Variants in MALRD1 observed in about 807,000 individuals in gnomAD.
MALRD1 encodes MAM and LDL-receptor class A domain-containing protein 1.
In MALRD1, 247 loss-of-function variants were observed where a neutral mutation model predicts 242.1. The ratio of observed to expected loss-of-function variants is 1.02; its 90% CI spans 0.92 to 1.13. MALRD1 has a LOEUF of 1.13. Ranked by LOEUF, MALRD1 falls within the 50% of genes most tolerant of loss-of-function variation. The probability of loss-of-function intolerance (pLI) is 0.00; values close to 1 mark genes in which losing one functional copy is unlikely to be tolerated. For missense variants in MALRD1, 2,989 were observed against 2,533.1 expected (o/e 1.18, Z -3.86); for synonymous variants, 995 against 866.6 (o/e 1.15, Z -2.60).
chr10:19,471,903 A>G (rs958826671), intron 29 of MALRD1, among the ~76,000 whole-genome samples: 2 of 151,834 alleles, frequency 1.3e-5, no homozygotes, highest in African/African-American at 4.8e-5. Flanking sequence ...TCAAATTTGG[A>G]TGACTTTTAT....
chr10:19,396,748 T>C lies in MALRD1; in HGVS notation c.4845+7139T>C, dbSNP rs150278530. On this transcript the variant is annotated intron_variant, in intron 28 of 39. Coordinates refer to ENST00000454679, the MANE Select transcript of MALRD1 (RefSeq NM_001142308.3). ...CATAAAAATCAGAAATTTCCATCTCTACATATTAATAAATCTATAGATGTA... is the reference window on the plus strand; with the variant it reads ...CATAAAAATCAGAAATTTCCATCTCCACATATTAATAAATCTATAGATGTA... 1.2e-4 allele frequency among the ~76,000 whole-genome samples: 18 copies of C among 152,260 alleles called. No individual in the cohort carries two copies. In the East Asian group the frequency reaches 3.5e-3, roughly 29 times the overall value.
intron 21 of MALRD1, among the ~76,000 whole-genome samples, chr10:19,283,941 G>A (rs982078655): frequency 6.6e-6 from 1 of 152,200 alleles, no homozygotes; most frequent in Admixed American, 6.5e-5. Flanking sequence ...GAGACAGGCA[G>A]CAAGTCAATA....
intron 21 of MALRD1, 84 bp downstream of exon 21, chr10:19,283,265 T>TAG: frequency 8.8e-7 from 1 of 1,141,384 alleles, no homozygotes; most frequent in Non-Finnish European, 1.1e-6. Flanking sequence ...CACCTTATCC[T>TAG]AGGCCAATGC....
chr10:19,368,267 G>A (rs575454661), intron 26 of MALRD1, among the ~76,000 whole-genome samples: 6 of 151,982 alleles, frequency 3.9e-5, no homozygotes, highest in African/African-American at 9.6e-5. Context: ...TCTTAAATTA[G>A]GTCTTTGATC....
At chr10:19,535,816 A>G (rs1344590116) in intron 32 of MALRD1, among the ~76,000 whole-genome samples, 2 of 152,202 alleles carry the variant, frequency 1.3e-5, no homozygotes, top group African/African-American at 2.4e-5. Flanking sequence ...CCATAAACAC[A>G]TGACCTCTTG....
chr10:19,262,727 C>G (rs1839808101), intron 19 of MALRD1, among the ~76,000 whole-genome samples: 1 of 151,126 alleles, frequency 6.6e-6, no homozygotes, highest in South Asian at 2.1e-4. Flanking sequence ...TTGCTGCTGA[C>G]TATAGTCAAC....
intron 18 of MALRD1, among the ~76,000 whole-genome samples, chr10:19,219,269 G>T (rs1837459845): frequency 6.6e-6 from 1 of 151,924 alleles, no homozygotes; most frequent in South Asian, 2.1e-4. Flanking sequence ...TGCAGCACTG[G>T]TCACTTATAC....
chr10:19,088,241 T>G (rs934308718), intron 4 of MALRD1, 56 bp downstream of exon 4: 48 of 1,215,010 alleles, frequency 4.0e-5, no homozygotes, highest in Middle Eastern at 4.1e-4. Flanking sequence ...ATACAGATCT[T>G]TAACACCAGG....
At chr10:19,491,702 GTAGAGT>G in intron 30 of MALRD1, 57 bp downstream of exon 30, 1 of 1,517,220 alleles carries the variant, frequency 6.6e-7, no homozygotes. Flanking sequence ...TCCTTCATAA[GTAGAGT>G]TAGATATTGG....
intron 32 of MALRD1, among the ~76,000 whole-genome samples, chr10:19,565,612 T>C (rs1400453221): frequency 6.6e-6 from 1 of 152,116 alleles, no homozygotes; most frequent in Non-Finnish European, 1.5e-5. Context: ...TTTTAAGAAA[T>C]GGAAAAGTAA....
intron 29 of MALRD1, among the ~76,000 whole-genome samples, chr10:19,486,653 A>G (rs546627918): frequency 6.6e-6 from 1 of 152,272 alleles, no homozygotes; most frequent in South Asian, 2.1e-4. Context: ...GCATGTCCAT[A>G]TGAAACTTGC....
intron 24 of MALRD1, among the ~76,000 whole-genome samples, chr10:19,337,376 A>G (rs1178441730): frequency 2.0e-5 from 3 of 152,158 alleles, no homozygotes; most frequent in Non-Finnish European, 4.4e-5. Context: ...AAGGTATTCA[A>G]GCAAATTTTT....
At chr10:19,102,560 A>C (rs2131332400) in intron 4 of MALRD1, among the ~76,000 whole-genome samples, 1 of 152,276 alleles carries the variant, frequency 6.6e-6, no homozygotes, top group East Asian at 1.9e-4. Context: ...GATCAATTGT[A>C]AACCTAAAAA....
At chr10:19,526,752 T>C (rs1432462626) in intron 31 of MALRD1, among the ~76,000 whole-genome samples, 1 of 152,184 alleles carries the variant, frequency 6.6e-6, no homozygotes, top group East Asian at 1.9e-4. Flanking sequence ...ATAAATATGC[T>C]GCAGCGAAAT....
At chr10:19,726,061 C>T (rs983809602) in intron 38 of MALRD1, among the ~76,000 whole-genome samples, 2 of 152,052 alleles carry the variant, frequency 1.3e-5, no homozygotes, top group Admixed American at 6.6e-5. Flanking sequence ...TTAAATATGA[C>T]ACCAAAAGCA....
At chr10:19,496,288 A>G (rs1237341716) in intron 30 of MALRD1, among the ~76,000 whole-genome samples, 1 of 152,202 alleles carries the variant, frequency 6.6e-6, no homozygotes, top group Non-Finnish European at 1.5e-5. Flanking sequence ...CAGATGGCAC[A>G]TACTTTAAAA....
upstream of MALRD1, among the ~76,000 whole-genome samples, chr10:19,046,961 G>A (rs1304595332): frequency 6.6e-6 from 1 of 152,196 alleles, no homozygotes; most frequent in Non-Finnish European, 1.5e-5. Flanking sequence ...GGAGAGCATA[G>A]GGAAGCATTG....
At chr10:19,596,860 G>A (rs921416586) in intron 34 of MALRD1, among the ~76,000 whole-genome samples, 2 of 151,304 alleles carry the variant, frequency 1.3e-5, no homozygotes, top group Admixed American at 6.6e-5. Flanking sequence ...GGGACAGAGA[G>A]GAGGAAGGAA....
At chr10:19,048,535 A>T (rs1228869161), upstream of MALRD1, among the ~76,000 whole-genome samples, 1 of 152,212 alleles carries the variant, frequency 6.6e-6, no homozygotes, top group Non-Finnish European at 1.5e-5. Flanking sequence ...TGAGTATAGG[A>T]ATTAAGACAG....
Sources: allele counts gnomAD v4.1 joint callset (sites outside exome capture counted in the v4.1 genomes callset), GRCh38; gene constraint gnomAD v4.1.1; transcripts MANE v1.5; gene names NCBI Gene and HGNC (gene_info 2026-07-23, HGNC 2026-07-21).